The following GRID2 variants were observed in gnomAD, a reference collection of about 807,000 sequenced individuals.
GRID2 encodes glutamate receptor ionotropic, delta-2.
GRID2 carries 33 observed loss-of-function variants against 114.8 expected under a neutral mutation model. That is an observed-to-expected ratio of 0.29 (90% CI 0.22 to 0.38). The LOEUF is 0.38. Among genes scored for constraint, GRID2 ranks in the 10% least tolerant of loss-of-function variants. GRID2 has a pLI of 1.00. For missense variants in GRID2, 1,184 were observed against 1,257.7 expected, an observed-to-expected ratio of 0.94 and a Z score of 0.89; for synonymous variants, 505 against 449.9, an observed-to-expected ratio of 1.12 and a Z score of -1.55.
Position 93,551,310 on chromosome 4 carries a change from T to G in GRID2, c.2193+35899T>G, listed in dbSNP as rs1733728202. Among the ~76,000 whole-genome samples the G allele has an allele frequency of 1.3e-5, 2 of 151,608 alleles. 1 individual carries two copies. Among genetic ancestry groups the G allele is most frequent in the Admixed American group, 1.3e-4 (2 of 15,224 alleles). ...AGCTGGAAGGTTTTGGGGATGGAGGTTAGATATGTAGGTGTAAGAAGGCTG... is the reference window on the plus strand; with the variant it reads ...AGCTGGAAGGTTTTGGGGATGGAGGGTAGATATGTAGGTGTAAGAAGGCTG... On this transcript the variant is annotated intron_variant, in intron 13 of 15. Coordinates refer to ENST00000282020, the MANE Select transcript of GRID2 (RefSeq NM_001510.4).
chr4:92,844,725 GA>G (rs796077642), intron 2 of GRID2, among the ~76,000 whole-genome samples: 49 of 141,054 alleles, frequency 3.5e-4, no homozygotes, highest in East Asian at 1.5e-3. Context: ...AAAAAAGAAA[GA>G]AAAAAAAAAG....
intron 2 of GRID2, among the ~76,000 whole-genome samples, chr4:92,885,990 C>A (rs1182072693): frequency 5.9e-5 from 9 of 152,082 alleles, no homozygotes; most frequent in Admixed American, 5.9e-4. Context: ...GCTAAATGTT[C>A]TTAATGCAAG....
At chr4:92,801,669 T>C in intron 2 of GRID2, among the ~76,000 whole-genome samples, 1 of 151,940 alleles carries the variant, frequency 6.6e-6, no homozygotes, top group Admixed American at 6.6e-5. Flanking sequence ...TATAAGCATA[T>C]ATATAAGCAA....
At chr4:93,360,435 T>G (rs950508928) in intron 8 of GRID2, among the ~76,000 whole-genome samples, 2 of 152,040 alleles carry the variant, frequency 1.3e-5, no homozygotes, top group Admixed American at 6.6e-5. Context: ...TCAATTTGGC[T>G]TTACCCCATA....
intron 14 of GRID2, among the ~76,000 whole-genome samples, chr4:93,680,882 C>G (rs1373797079): frequency 6.6e-6 from 1 of 151,768 alleles, no homozygotes; most frequent in African/African-American, 2.4e-5. Flanking sequence ...GACAGGGATG[C>G]CCTCTCTCGC....
At chr4:93,302,796 T>G (rs59274911) in intron 8 of GRID2, among the ~76,000 whole-genome samples, 8,231 of 152,250 alleles carry the variant, frequency 0.054, 751 homozygotes, top group African/African-American at 0.19. Flanking sequence ...CTAATTATAA[T>G]GATTACTATT....
At chr4:92,497,221 G>A (rs1182880893) in intron 1 of GRID2, among the ~76,000 whole-genome samples, 1 of 151,682 alleles carries the variant, frequency 6.6e-6, no homozygotes, top group African/African-American at 2.4e-5. Context: ...GTTTAAAAAA[G>A]GATTTGTGAA....
At chr4:93,123,476 T>C (rs182863892) in intron 4 of GRID2, among the ~76,000 whole-genome samples, 1 of 152,248 alleles carries the variant, frequency 6.6e-6, no homozygotes, top group Admixed American at 6.5e-5. Flanking sequence ...AACAATATAT[T>C]TAAAGCTATT....
chr4:93,531,175 C>A (rs868440797), intron 13 of GRID2, among the ~76,000 whole-genome samples: 1 of 151,998 alleles, frequency 6.6e-6, no homozygotes, highest in Non-Finnish European at 1.5e-5. Context: ...GCAGGAAAGA[C>A]AGAGTAAGAC....
intron 13 of GRID2, among the ~76,000 whole-genome samples, chr4:93,565,551 A>C (rs1037017237): frequency 1.3e-5 from 2 of 149,088 alleles, no homozygotes; most frequent in African/African-American, 2.6e-5. Flanking sequence ...TTAAAAAATA[A>C]AAGAAAATAC....
chr4:92,841,874 A>T (rs1179824845), intron 2 of GRID2, among the ~76,000 whole-genome samples: 3 of 151,540 alleles, frequency 2.0e-5, no homozygotes, highest in South Asian at 2.1e-4. Context: ...CTCTAATTTT[A>T]TTTTCTTTTT....
intron 1 of GRID2, among the ~76,000 whole-genome samples, chr4:92,499,741 A>G (rs760920449): frequency 1.3e-5 from 2 of 152,100 alleles, no homozygotes; most frequent in African/African-American, 2.4e-5. Context: ...CAGCCTCCCA[A>G]GTAGCTGGAA....
At chr4:92,791,745 A>G (rs1037777789) in intron 2 of GRID2, among the ~76,000 whole-genome samples, 2 of 151,876 alleles carry the variant, frequency 1.3e-5, no homozygotes, top group Non-Finnish European at 2.9e-5. Flanking sequence ...TATGCAATCA[A>G]TACCCTGAGA....
intron 1 of GRID2, among the ~76,000 whole-genome samples, chr4:92,445,942 T>C (rs190238487): frequency 1.3e-5 from 2 of 152,290 alleles, no homozygotes; most frequent in East Asian, 1.9e-4. Flanking sequence ...TCTTATCTCA[T>C]ATTTTTTGTT....
At chr4:93,430,430 C>T (rs982735432) in intron 10 of GRID2, among the ~76,000 whole-genome samples, 1 of 152,218 alleles carries the variant, frequency 6.6e-6, no homozygotes, top group African/African-American at 2.4e-5. Context: ...ATCTGCCCGC[C>T]TCAGCATCCT....
chr4:93,366,383 T>C (rs1762337059), intron 8 of GRID2, among the ~76,000 whole-genome samples: 1 of 151,954 alleles, frequency 6.6e-6, no homozygotes, highest in African/African-American at 2.4e-5. Flanking sequence ...TAGACTCCAG[T>C]CTCCTATAGC....
intron 2 of GRID2, among the ~76,000 whole-genome samples, chr4:92,889,880 C>T (rs1002797929): frequency 6.6e-6 from 1 of 152,126 alleles, no homozygotes; most frequent in Non-Finnish European, 1.5e-5. Context: ...TACAAGGCTA[C>T]AGTAACCAAA....
At chr4:93,552,895 G>T (rs1733924333) in intron 13 of GRID2, among the ~76,000 whole-genome samples, 1 of 143,402 alleles carries the variant, frequency 7.0e-6, no homozygotes, top group African/African-American at 2.6e-5. Flanking sequence ...TTGGTTTTCT[G>T]TCCTTGTAAT....
At chr4:92,784,088 G>C (rs1314558123) in intron 2 of GRID2, among the ~76,000 whole-genome samples, 1 of 151,796 alleles carries the variant, frequency 6.6e-6, no homozygotes, top group Admixed American at 6.6e-5. Flanking sequence ...TTGTTTTTAT[G>C]ATGATATCAA....
Sources: gnomAD v4.1 joint callset for allele counts (sites outside exome capture counted in the v4.1 genomes callset) on GRCh38, gnomAD v4.1.1 for gene constraint, MANE v1.5 for transcripts, NCBI Gene and HGNC (gene_info 2026-07-23, HGNC 2026-07-21) for gene names.